The following GPC6 variants were observed in gnomAD, a reference collection of about 807,000 sequenced individuals.
GPC6 encodes glypican 6.
Under a neutral mutation model 55.2 loss-of-function variants are expected in GPC6, and 14 were observed. That is an observed-to-expected ratio of 0.25 (90% CI 0.17 to 0.40). The LOEUF (loss-of-function observed/expected upper bound fraction) is 0.40, where lower values mean the gene tolerates loss of function less well. Ranked by LOEUF, GPC6 falls within the 10% of genes least tolerant of loss-of-function variation. The pLI, the probability that GPC6 is intolerant of heterozygous loss-of-function variation, is 1.00. For synonymous variants in GPC6, 278 were observed against 259.6 expected (o/e 1.07, Z -0.68); for missense variants, 641 against 708.5 (o/e 0.90, Z 1.08).
chr13:94,180,501 A>G (rs1390017770), intron 4 of GPC6, among the ~76,000 whole-genome samples: 1 of 152,196 alleles, frequency 6.6e-6, no homozygotes, highest in African/African-American at 2.4e-5. Context: ...GAAATCGATG[A>G]ATGAAACCAC....
At chr13:93,985,689 CAA>C (rs34003218) in intron 3 of GPC6, among the ~76,000 whole-genome samples, 222 of 69,394 alleles carry the variant, frequency 3.2e-3, no homozygotes, top group Middle Eastern at 0.02. Flanking sequence ...AAGACCTGGC[CAA>C]AAAAAAAAAA....
At chr13:93,971,323 AG>A (rs1275962258) in intron 3 of GPC6, among the ~76,000 whole-genome samples, 2 of 152,212 alleles carry the variant, frequency 1.3e-5, no homozygotes, top group African/African-American at 4.8e-5. Context: ...GGAATGTGAA[AG>A]AAGTAACTGT....
At chr13:94,267,313 G>A (rs1891848599) in intron 4 of GPC6, among the ~76,000 whole-genome samples, 2 of 152,138 alleles carry the variant, frequency 1.3e-5, no homozygotes, top group Non-Finnish European at 2.9e-5. Context: ...GCTTGGAAAT[G>A]TGTGGAATAG....
chr13:93,977,936 T>G (rs1880599195), intron 3 of GPC6, among the ~76,000 whole-genome samples: 3 of 152,210 alleles, frequency 2.0e-5, no homozygotes. Context: ...TGCAGAGCTT[T>G]GATTACTGTC....
At chr13:94,209,395 G>T (rs1323930509) in intron 4 of GPC6, among the ~76,000 whole-genome samples, 2 of 152,148 alleles carry the variant, frequency 1.3e-5, no homozygotes, top group Non-Finnish European at 2.9e-5. Flanking sequence ...TTATGAACTT[G>T]TTAAAAGAGA....
At chr13:94,210,353 C>A (rs1300167835) in intron 4 of GPC6, among the ~76,000 whole-genome samples, 1 of 151,506 alleles carries the variant, frequency 6.6e-6, no homozygotes, top group East Asian at 2.0e-4. Context: ...GACGGGGTTT[C>A]ACTATGTTAG....
intron 4 of GPC6, among the ~76,000 whole-genome samples, chr13:94,172,781 C>G (rs531219036): frequency 7.9e-5 from 12 of 152,214 alleles, no homozygotes; most frequent in Non-Finnish European, 1.6e-4. Context: ...ATTTCTAAGC[C>G]TCTTAACATA....
intron 1 of GPC6, 94 bp from the exon 2 acceptor site, chr13:93,545,169 C>G: frequency 3.8e-6 from 4 of 1,062,402 alleles, no homozygotes; most frequent in Non-Finnish European, 5.8e-6. Context: ...GAACAAGCAC[C>G]CTGAGATTTG....
intron 5 of GPC6, among the ~76,000 whole-genome samples, chr13:94,301,435 GAAAGA>G (rs887184684): frequency 3.3e-5 from 5 of 152,078 alleles, no homozygotes; most frequent in African/African-American, 1.2e-4. Context: ...GTTAAAAAAA[GAAAGA>G]AAAGAACAAG....
intron 3 of GPC6, among the ~76,000 whole-genome samples, chr13:93,922,567 A>G (rs968523003): frequency 9.9e-5 from 15 of 152,208 alleles, no homozygotes; most frequent in Admixed American, 6.5e-4. Context: ...TCTACCCACC[A>G]GATACCAGTA....
chr13:94,345,543 CAG>C (rs1878245547), intron 6 of GPC6, among the ~76,000 whole-genome samples: 1 of 152,300 alleles, frequency 6.6e-6, no homozygotes, highest in South Asian at 2.1e-4. Flanking sequence ...ATGCCCATTG[CAG>C]AGTTACGATC....
At chr13:94,201,037 T>C (rs545131109) in intron 4 of GPC6, among the ~76,000 whole-genome samples, 1 of 152,358 alleles carries the variant, frequency 6.6e-6, no homozygotes, top group South Asian at 2.1e-4. Context: ...TAAATGAAGA[T>C]GCTCCTTGGA....
At chr13:94,030,614 G>A (rs1239772716) in intron 4 of GPC6, among the ~76,000 whole-genome samples, 2 of 152,098 alleles carry the variant, frequency 1.3e-5, no homozygotes, top group Admixed American at 6.6e-5. Context: ...ATATATAATA[G>A]CCCTCTCTCT....
chr13:93,386,491 G>A (rs1209503798), intron 1 of GPC6, among the ~76,000 whole-genome samples: 1 of 152,114 alleles, frequency 6.6e-6, no homozygotes, highest in Non-Finnish European at 1.5e-5. Context: ...AGGGTCAATA[G>A]TAACTTGCAG....
At chr13:94,291,044 T>C (rs1009354912) in intron 5 of GPC6, among the ~76,000 whole-genome samples, 4 of 152,030 alleles carry the variant, frequency 2.6e-5, no homozygotes, top group Non-Finnish European at 5.9e-5. Flanking sequence ...CTACAAAAAT[T>C]AGCTAAGCAT....
intron 1 of GPC6, among the ~76,000 whole-genome samples, chr13:93,301,885 T>A (rs1392042002): frequency 6.6e-6 from 1 of 152,156 alleles, no homozygotes; most frequent in Non-Finnish European, 1.5e-5. Context: ...GAGCAACACG[T>A]GAAGAGCCCC....
chr13:94,259,763 G>C (rs1891603562), intron 4 of GPC6, among the ~76,000 whole-genome samples: 1 of 152,038 alleles, frequency 6.6e-6, no homozygotes, highest in Admixed American at 6.6e-5. Flanking sequence ...CATAGTATTT[G>C]TCCTTTTGTG....
At chr13:94,217,237 C>T (rs763392648) in intron 4 of GPC6, among the ~76,000 whole-genome samples, 2 of 152,020 alleles carry the variant, frequency 1.3e-5, no homozygotes, top group Admixed American at 6.6e-5. Flanking sequence ...AATTAGCCAA[C>T]ACTGTGTTTT....
chr13:93,423,360 T>G (rs1026182004), intron 1 of GPC6, among the ~76,000 whole-genome samples: 4 of 152,194 alleles, frequency 2.6e-5, no homozygotes, highest in African/African-American at 9.7e-5. Context: ...GATTCCATGT[T>G]TATAAAAGAA....
Sources: allele counts gnomAD v4.1 joint callset (sites outside exome capture counted in the v4.1 genomes callset), GRCh38; gene constraint gnomAD v4.1.1; transcripts MANE v1.5; gene names NCBI Gene and HGNC (gene_info 2026-07-23, HGNC 2026-07-21).